The following KIF26B variants were observed in gnomAD, a reference collection of about 807,000 sequenced individuals.
KIF26B encodes kinesin-like protein KIF26B.
KIF26B carries 63 observed loss-of-function variants against 151.2 expected under a neutral mutation model. That is an observed-to-expected ratio of 0.42 (90% CI 0.34 to 0.51). The LOEUF is 0.51. Ranked by LOEUF, KIF26B falls within the 20% of genes least tolerant of loss-of-function variation. KIF26B has a pLI of 0.07. For missense variants in KIF26B, 2,813 were observed against 2,913.6 expected (o/e 0.97, Z 0.79); for synonymous variants, 1,357 against 1,262.1 (o/e 1.08, Z -1.59).
At position 245,544,055 on chromosome 1, in the gene KIF26B, C is replaced by A. The variant is rs541749593; in HGVS notation, c.1350+3105C>A. On this transcript the variant is annotated intron_variant, in intron 5 of 14. Coordinates refer to ENST00000407071, the MANE Select transcript of KIF26B (RefSeq NM_018012.4). ...TCAGCAGGCTCTTACTCTGCCCTAC[C>A]ATATGGTGCCAAACTGCCTGACCTC... 4.6e-5 allele frequency among the ~76,000 whole-genome samples: 7 copies of A among 152,294 alleles called. No homozygotes were observed. In the East Asian group the frequency reaches 1.4e-3, roughly 29 times the overall value.
At chr1:245,467,279 T>C (rs2103061497) in intron 4 of KIF26B, among the ~76,000 whole-genome samples, 1 of 152,344 alleles carries the variant, frequency 6.6e-6, no homozygotes, top group Middle Eastern at 3.4e-3. Flanking sequence ...ACCAAGATGA[T>C]GCGAGCTCTT....
At chr1:245,523,817 A>G (rs1430871972) in intron 4 of KIF26B, among the ~76,000 whole-genome samples, 2 of 152,214 alleles carry the variant, frequency 1.3e-5, no homozygotes, top group Non-Finnish European at 2.9e-5. Context: ...TCTAATTTTG[A>G]GCCACCTAAC....
At chr1:245,693,981 T>A (rs2044657139) in intron 12 of KIF26B, among the ~76,000 whole-genome samples, 1 of 152,190 alleles carries the variant, frequency 6.6e-6, no homozygotes, top group Admixed American at 6.5e-5. Flanking sequence ...AGTCATTGAT[T>A]CTCTCAGACA....
chr1:245,214,851 A>G (rs1010209902), intron 2 of KIF26B, among the ~76,000 whole-genome samples: 18 of 152,278 alleles, frequency 1.2e-4, no homozygotes, highest in Admixed American at 1.1e-3. Flanking sequence ...AAAAATAAAT[A>G]AGTAAATAAA....
chr1:245,258,110 A>G (rs1670573536), intron 2 of KIF26B, among the ~76,000 whole-genome samples: 1 of 151,724 alleles, frequency 6.6e-6, no homozygotes, highest in Non-Finnish European at 1.5e-5. Context: ...GGTCCTAGGG[A>G]GCTTGACGTG....
In KIF26B at chr1:245,303,597, G is replaced by A. The variant is rs74613266; in HGVS notation, c.466-63237G>A. ...ATCTTAGCAGAATTAATTTGGATTTGTTAATTGTTTGCATCTGGCTAATTA... is the reference window on the plus strand; with the variant it reads ...ATCTTAGCAGAATTAATTTGGATTTATTAATTGTTTGCATCTGGCTAATTA... On this transcript the variant is annotated intron_variant, in intron 2 of 14. Transcript: ENST00000407071. 4.6e-3 allele frequency among the ~76,000 whole-genome samples: 708 copies of A among 152,288 alleles called. 5 individuals are homozygous for A. The highest frequency in any genetic ancestry group is 0.016 in the African/African-American group (678 of 41,538).
intron 4 of KIF26B, among the ~76,000 whole-genome samples, chr1:245,499,861 G>A (rs1660584780): frequency 6.6e-6 from 1 of 152,230 alleles, no homozygotes. Context: ...AAGCAATCAT[G>A]GGTGCGAGGT....
intron 2 of KIF26B, among the ~76,000 whole-genome samples, chr1:245,314,342 C>T (rs1671722671): frequency 6.6e-6 from 1 of 152,106 alleles, no homozygotes; most frequent in Non-Finnish European, 1.5e-5. Context: ...ATCCCAGCTA[C>T]TCGGGAGGCC....
chr1:245,381,989 G>A (rs149246423), intron 3 of KIF26B, among the ~76,000 whole-genome samples: 4 of 152,262 alleles, frequency 2.6e-5, no homozygotes, highest in South Asian at 4.1e-4. Context: ...ACATTGAGTT[G>A]CTTCCATCTC....
chr1:245,303,442 C>G (rs898642427), intron 2 of KIF26B, among the ~76,000 whole-genome samples: 1 of 150,818 alleles, frequency 6.6e-6, no homozygotes, highest in Non-Finnish European at 1.5e-5. Flanking sequence ...TCGTGATCCG[C>G]CCGCCTCGGC....
chr1:245,623,363 C>T (rs1272104258), intron 9 of KIF26B, among the ~76,000 whole-genome samples: 7 of 152,092 alleles, frequency 4.6e-5, no homozygotes, highest in Non-Finnish European at 1.0e-4. Flanking sequence ...TGTGTGGCTT[C>T]TTTCACTTAG....
chr1:245,265,535 CAGTTT>C (rs1301331630), intron 2 of KIF26B, among the ~76,000 whole-genome samples: 1 of 150,060 alleles, frequency 6.7e-6, no homozygotes, highest in African/African-American at 2.4e-5. Context: ...AAATTCTAAA[CAGTTT>C]AGGGAAGAAT....
intron 4 of KIF26B, among the ~76,000 whole-genome samples, chr1:245,539,287 T>C (rs530639162): frequency 2.0e-4 from 31 of 152,178 alleles, no homozygotes; most frequent in Non-Finnish European, 3.2e-4. Flanking sequence ...CACTTAATGA[T>C]ACAGAATTAA....
At chr1:245,473,573 G>T (rs1419726586) in intron 4 of KIF26B, among the ~76,000 whole-genome samples, 1 of 148,792 alleles carries the variant, frequency 6.7e-6, no homozygotes, top group African/African-American at 2.4e-5. Flanking sequence ...CTTAATGGGG[G>T]TTGGGGGAGA....
intron 4 of KIF26B, among the ~76,000 whole-genome samples, chr1:245,460,316 G>A (rs1298394932): frequency 6.6e-6 from 1 of 152,046 alleles, no homozygotes; most frequent in Admixed American, 6.5e-5. Flanking sequence ...TCCAGAATTA[G>A]CACATCTTCT....
chr1:245,274,917 T>C (rs749678192), intron 2 of KIF26B, among the ~76,000 whole-genome samples: 2 of 152,216 alleles, frequency 1.3e-5, no homozygotes, highest in African/African-American at 2.4e-5. Context: ...TCCAAAATGG[T>C]TGAACTAATT....
intron 4 of KIF26B, among the ~76,000 whole-genome samples, chr1:245,463,166 A>G (rs901138653): frequency 2.6e-5 from 4 of 152,182 alleles, no homozygotes; most frequent in African/African-American, 4.8e-5. Flanking sequence ...CAGTACAGGT[A>G]AGTAAGAGTG....
chr1:245,635,286 T>C (rs10924268), intron 9 of KIF26B, among the ~76,000 whole-genome samples: 34,831 of 151,826 alleles, frequency 0.23, 4,238 homozygotes, highest in East Asian at 0.37. Flanking sequence ...TGTGGAAAGG[T>C]TGTGAACTAC....
At chr1:245,155,727 T>C (rs954662292) in intron 1 of KIF26B, among the ~76,000 whole-genome samples, 3 of 152,218 alleles carry the variant, frequency 2.0e-5, no homozygotes, top group Non-Finnish European at 2.9e-5. Context: ...CCCGTAACTT[T>C]TGCCGCATTC....
Sources: allele counts gnomAD v4.1 joint callset (sites outside exome capture counted in the v4.1 genomes callset), GRCh38; gene constraint gnomAD v4.1.1; transcripts MANE v1.5; gene names NCBI Gene and HGNC (gene_info 2026-07-23, HGNC 2026-07-21).